Variants in INPP4B observed in about 807,000 individuals in gnomAD.
The protein encoded by INPP4B is inositol polyphosphate 4-phosphatase type II.
Under a neutral mutation model 122.5 loss-of-function variants are expected in INPP4B, and 55 were observed. That is an observed-to-expected ratio of 0.45 (90% confidence interval 0.36 to 0.56). INPP4B has a LOEUF of 0.56. Ranked by LOEUF, INPP4B falls within the 20% of genes least tolerant of loss-of-function variation. The pLI is 0.00. For synonymous variants in INPP4B, 403 were observed against 388.7 expected (o/e 1.04, Z -0.43); for missense variants, 1,000 against 1,097.7 (o/e 0.91, Z 1.26).
Position 142,027,242 on chromosome 4 carries a change from T to TATC in INPP4B, c.*1537_*1539dup, listed in dbSNP as rs1173037323. The stretch of plus-strand genomic sequence containing the variant: ...TCTAGTATAAAAAGCTCCAAATGCT[T>TATC]ATCTAAAATTTGTAGTAATTTGAAA... On this transcript the variant is annotated 3_prime_UTR_variant, in exon 26 of 26. Transcript: ENST00000262992. 7.2e-5 allele frequency: 11 copies of TATC among 152,172 alleles called. No individual in the cohort carries two copies. Among genetic ancestry groups the TATC allele is most frequent in the Non-Finnish European group, 1.3e-4 (9 of 68,004 alleles). The allele number at this position is 152,172 out of a possible 1,614,324, so 9.4% of individuals were successfully genotyped here. A position where few individuals can be genotyped will look rare whatever the true frequency, so the allele number is the denominator to read the frequency against.
chr4:142,283,838 AGAG>A (rs1165375902), intron 9 of INPP4B, among the ~76,000 whole-genome samples: 1 of 152,140 alleles, frequency 6.6e-6, no homozygotes, highest in African/African-American at 2.4e-5. Flanking sequence ...TGAAGAGTGA[AGAG>A]GAGACTTTTC....
At chr4:142,163,024 G>A (rs979047978) in intron 16 of INPP4B, among the ~76,000 whole-genome samples, 3 of 151,692 alleles carry the variant, frequency 2.0e-5, no homozygotes, top group African/African-American at 7.3e-5. Flanking sequence ...TAGTGATGTA[G>A]ACCAGTGTAG....
At chr4:142,191,211 G>A (rs1835673445) in intron 15 of INPP4B, among the ~76,000 whole-genome samples, 1 of 152,152 alleles carries the variant, frequency 6.6e-6, no homozygotes, top group African/African-American at 2.4e-5. Context: ...CTTAAGCAAT[G>A]ATATTACAGT....
chr4:142,757,581 A>T (rs1325657692), intron 1 of INPP4B, among the ~76,000 whole-genome samples: 2 of 152,140 alleles, frequency 1.3e-5, no homozygotes, highest in Non-Finnish European at 2.9e-5. Context: ...ATATTTATTT[A>T]AGCTTCCTCC....
At chr4:142,696,019 A>G (rs2150740711) in intron 2 of INPP4B, among the ~76,000 whole-genome samples, 1 of 152,216 alleles carries the variant, frequency 6.6e-6, no homozygotes, top group South Asian at 2.1e-4. Flanking sequence ...GCCAGCTGGG[A>G]CTAGGAGAAT....
intron 18 of INPP4B, among the ~76,000 whole-genome samples, chr4:142,129,460 T>C (rs887412555): frequency 6.6e-6 from 1 of 152,198 alleles, no homozygotes; most frequent in African/African-American, 2.4e-5. Flanking sequence ...CAACTAATAA[T>C]AAGGTTTCTT....
rs182893818 is a variant in INPP4B, at chr4:142,100,337, G to T, written c.2374+7756C>A. On this transcript the variant is annotated intron_variant, in intron 23 of 25. Coordinates refer to ENST00000262992, the MANE Select transcript of INPP4B (RefSeq NM_001101669.3). ...CTTTTCTATGGCTCCAGCTCCCACT[G>T]GGAAACTTTTCCATTCACGGTCCCA... 2.4e-4 allele frequency among the ~76,000 whole-genome samples: 36 copies of T among 152,142 alleles called. No individual in the cohort carries two copies. In the East Asian group the frequency reaches 7.0e-3, roughly 29 times the overall value.
chr4:142,333,272 A>T (rs1217619670), intron 7 of INPP4B, among the ~76,000 whole-genome samples: 1 of 152,180 alleles, frequency 6.6e-6, no homozygotes, highest in African/African-American at 2.4e-5. Context: ...TTAGTAATGC[A>T]GACTCTTAAG....
At chr4:142,083,414 G>A (rs1008196792) in intron 24 of INPP4B, among the ~76,000 whole-genome samples, 2 of 152,098 alleles carry the variant, frequency 1.3e-5, no homozygotes, top group African/African-American at 4.8e-5. Context: ...GAGTAATAGG[G>A]GAATCATTCC....
intron 12 of INPP4B, among the ~76,000 whole-genome samples, chr4:142,209,908 T>C (rs533826584): frequency 3.2e-4 from 49 of 152,114 alleles, no homozygotes; most frequent in Admixed American, 1.8e-3. Flanking sequence ...ACTGTATGTG[T>C]ATGCGTTGCT....
At chr4:142,346,066 T>C (rs1034560932) in intron 7 of INPP4B, among the ~76,000 whole-genome samples, 5 of 152,114 alleles carry the variant, frequency 3.3e-5, no homozygotes, top group Middle Eastern at 3.4e-3. Flanking sequence ...GGAAGTGGCA[T>C]TGTAGAAAGG....
chr4:142,292,018 A>G (rs1211127119), intron 9 of INPP4B, among the ~76,000 whole-genome samples: 1 of 152,110 alleles, frequency 6.6e-6, no homozygotes, highest in Non-Finnish European at 1.5e-5. Flanking sequence ...GTCTCAATAT[A>G]TTTTTTCAAA....
intron 11 of INPP4B, among the ~76,000 whole-genome samples, chr4:142,246,228 GC>G (rs1432240626): frequency 8.6e-5 from 13 of 151,912 alleles, no homozygotes; most frequent in African/African-American, 3.1e-4. Context: ...GTAGCATGAT[GC>G]CTCCAGCTTT....
chr4:142,379,180 A>C (rs972399392), intron 7 of INPP4B, among the ~76,000 whole-genome samples: 1 of 152,120 alleles, frequency 6.6e-6, no homozygotes, highest in African/African-American at 2.4e-5. Flanking sequence ...CTTCCTATAC[A>C]ACTCTATCTA....
chr4:142,438,756 G>A (rs1580064282), intron 3 of INPP4B, among the ~76,000 whole-genome samples: 1 of 152,214 alleles, frequency 6.6e-6, no homozygotes. Context: ...TAATCAGAGA[G>A]AATAGGCAAC....
intron 3 of INPP4B, among the ~76,000 whole-genome samples, chr4:142,453,758 T>C (rs1032722529): frequency 1.3e-5 from 2 of 152,198 alleles, no homozygotes; most frequent in Non-Finnish European, 2.9e-5. Flanking sequence ...TTAAAATATT[T>C]ATTCAATAAT....
chr4:142,640,935 G>A (rs1482375414), intron 2 of INPP4B, among the ~76,000 whole-genome samples: 1 of 152,140 alleles, frequency 6.6e-6, no homozygotes, highest in Non-Finnish European at 1.5e-5. Context: ...AAATTTGGAT[G>A]AAGATGTGAA....
intron 25 of INPP4B, among the ~76,000 whole-genome samples, chr4:142,050,507 A>G (rs188698560): frequency 6.6e-6 from 1 of 152,192 alleles, no homozygotes; most frequent in Admixed American, 6.6e-5. Context: ...ATAGCACTGT[A>G]CACAGCACAT....
At chr4:142,275,247 AAAAAAAG>A (rs1409193244) in intron 9 of INPP4B, among the ~76,000 whole-genome samples, 3 of 151,800 alleles carry the variant, frequency 2.0e-5, no homozygotes, top group Admixed American at 6.6e-5. Flanking sequence ...TAATAGAGGG[AAAAAAAG>A]AAAAAAGAAA....
Sources: gnomAD v4.1 joint callset for allele counts (sites outside exome capture counted in the v4.1 genomes callset) on GRCh38, gnomAD v4.1.1 for gene constraint, MANE v1.5 for transcripts, NCBI Gene and HGNC (gene_info 2026-07-23, HGNC 2026-07-21) for gene names.